The following MATN4 variants were observed in gnomAD, a reference collection of about 807,000 sequenced individuals.
MATN4 encodes matrilin-4.
In MATN4, 40 loss-of-function variants were observed where a neutral mutation model predicts 54.6. That is an observed-to-expected ratio of 0.73 (90% CI 0.57 to 0.95). The LOEUF (loss-of-function observed/expected upper bound fraction) is 0.95. Among genes scored for constraint, MATN4 ranks in the 40% least tolerant of loss-of-function variants. The pLI is 0.00. For synonymous variants in MATN4, 351 were observed against 345.3 expected (o/e 1.02, Z -0.18); for missense variants, 810 against 819.1 (o/e 0.99, Z 0.13).
At chr20:45,299,521 G>C (rs1173730366) in intron 6 of MATN4, among the ~76,000 whole-genome samples, 2 of 152,128 alleles carry the variant, frequency 1.3e-5, no homozygotes, top group Non-Finnish European at 2.9e-5. Context: ...CCGGAGGTGA[G>C]ATCTTTGGAG....
rs187158060 is a variant in MATN4 at position 45,305,269 on chromosome 20, T to G, written c.73+241A>C. 9.2e-5 allele frequency among the ~76,000 whole-genome samples: 14 copies of G among 152,342 alleles called. No individual in the cohort carries two copies. The East Asian group carries it at 2.1e-3, about 23-fold the overall frequency. ...TGTAAAATTTCCTGGTTTTTTTCCA[T>G]GTTTTCAAATAATTTTTCCAAATTA... On this transcript the variant is annotated intron_variant, in intron 2 of 9. Transcript: ENST00000372756.
Position 45,298,263 on chromosome 20 carries a change from G to T in MATN4, c.1333C>A (p.Arg445Ser), listed in dbSNP as rs375411740. Residue 445 changes from arginine (R) to serine (S), a missense_variant, in exon 7 of 10, where the codon CGT (arginine) becomes AGT (serine). Transcript: ENST00000372756. The surrounding 1 kb of genome is among the most constrained non-coding windows in gnomAD (Gnocchi z 4.6). ...CCAACACGAGGCACGTTAAGGGCAC[G>T]GGGCCGTGCACCCTGCGCCTCGGAG... Reference protein sequence around the residue: ...SFSEAQGARPRALNVPRVGLV... With the variant: ...SFSEAQGARPSALNVPRVGLV... 210 of 1,613,060 alleles carry T rather than the reference G, an allele frequency of 1.3e-4. No homozygotes were observed. The highest frequency in any genetic ancestry group is 1.7e-4 in the Non-Finnish European group (198 of 1,179,740).
chr20:45,298,419 C>T lies in MATN4; in HGVS notation c.1177G>A (p.Val393Met), dbSNP rs749312961. 1.2e-6 allele frequency: 2 copies of T among 1,613,070 alleles called. No individual in the cohort carries two copies. The highest frequency in any genetic ancestry group is 1.3e-5 in the African/African-American group (1 of 75,066). Reference protein sequence around the residue: ...RVGLVQFSSRVRTEFPLGRYG... With the variant: ...RVGLVQFSSRMRTEFPLGRYG... ...CGACCCAGAGGGAACTCGGTGCGCA[C>T]GCGGCTCGAGAACTGCACCAGCCCC... Residue 393 changes from valine (V) to methionine (M), a missense_variant, in exon 7 of 10, where the codon GTG becomes ATG. Val to Met is a conservative substitution (Grantham distance 21, BLOSUM62 1). Coordinates refer to ENST00000372756, the MANE Select transcript of MATN4 (RefSeq NM_001393530.1). The surrounding 1 kb of genome is among the most constrained non-coding windows in gnomAD (Gnocchi z 4.6).
In MATN4 at chr20:45,293,947, C is replaced by T; in HGVS notation, c.1648G>A (p.Gly550Ser). The change falls in exon 9 of 10, where the codon GGC (glycine) becomes AGC (serine). Residue 550 changes from glycine (G) to serine (S), a missense_variant. Coordinates refer to ENST00000372756, the MANE Select transcript of MATN4 (RefSeq NM_001393530.1). ...CTCTCGAGCGCCCCCAGCGTGCGGCCCTGGAACTCCACGAGGCTTTCGCAT... is the reference window on the plus strand; with the variant it reads ...CTCTCGAGCGCCCCCAGCGTGCGGCTCTGGAACTCCACGAGGCTTTCGCAT... ...CECESLVEFQ[G>S]RTLGALESLT... The T allele has an allele frequency of 1.2e-6, 2 of 1,602,800 alleles. No homozygotes were observed. The highest frequency in any genetic ancestry group is 1.7e-6 in the Non-Finnish European group (2 of 1,179,004).
At chr20:45,299,812 A>C (rs1986096951) in intron 6 of MATN4, among the ~76,000 whole-genome samples, 1 of 141,446 alleles carries the variant, frequency 7.1e-6, no homozygotes, top group African/African-American at 2.6e-5. Context: ...CCAGAGGCAG[A>C]GGTTGCAGTG....
chr20:45,305,009 T>G (rs1364592664), intron 2 of MATN4, among the ~76,000 whole-genome samples: 1 of 152,142 alleles, frequency 6.6e-6, no homozygotes, highest in African/African-American at 2.4e-5. Flanking sequence ...TGAGGGCTAT[T>G]CTGAGGCGGT....
chr20:45,298,563 C>T lies in MATN4; in HGVS notation c.1033G>A (p.Asp345Asn). 6.4e-7 allele frequency: 1 copy of T among 1,569,860 alleles called. No individual in the cohort carries two copies. Among genetic ancestry groups the T allele is most frequent in the East Asian group, 2.3e-5 (1 of 44,198 alleles). The change falls in exon 7 of 10, where the codon GAC (aspartate) becomes AAC (asparagine). Residue 345 changes from aspartate (D) to asparagine (N), a missense_variant. Coordinates refer to ENST00000372756, the MANE Select transcript of MATN4 (RefSeq NM_001393530.1). The surrounding 1 kb of genome is among the most constrained non-coding windows in gnomAD (Gnocchi z 4.6). ...SCNRCREGHV[D>N]LVLLVDGSKS... is the part of the protein sequence containing the mutation. ...GAGCCATCAACCAGCAGAACAAGGT[C>T]CACGTGGCCTTCCCGGCACCCTGCA...
Position 45,298,383 on chromosome 20 carries a change from C to CGGTG in MATN4, c.1209_1212dup (p.Ala405HisfsTer45). ...AGGACCGCCTGCTTCACCTCGGCTG[C>CGGTG]GGTGCCGTAGCGACCCAGAGGGAAC... is the stretch of plus-strand genomic sequence containing the variant. On this transcript the variant is annotated frameshift_variant, in exon 7 of 10. Coordinates refer to ENST00000372756, the MANE Select transcript of MATN4 (RefSeq NM_001393530.1). LOFTEE classifies it high-confidence loss of function. This position sits in a 1 kb window ranked among gnomAD's most constrained non-coding sequence, Gnocchi z 4.6. The CGGTG allele has an allele frequency of 6.2e-7, 1 of 1,612,090 alleles. No homozygotes were observed. Among genetic ancestry groups the CGGTG allele is most frequent in the South Asian group, 1.1e-5 (1 of 90,906 alleles).
intron 8 of MATN4, among the ~76,000 whole-genome samples, chr20:45,295,001 C>G (rs1418342169): frequency 9.9e-5 from 15 of 152,214 alleles, no homozygotes; most frequent in Admixed American, 9.2e-4. Flanking sequence ...TGTCTCCCAT[C>G]ACCCACGGAT....
At chr20:45,294,433 G>A (rs1242849264) in intron 8 of MATN4, among the ~76,000 whole-genome samples, 1 of 152,236 alleles carries the variant, frequency 6.6e-6, no homozygotes, top group Admixed American at 6.5e-5. Flanking sequence ...TGATGCTGAT[G>A]CTCCTGGTCT....
chr20:45,301,588 C>T, intron 3 of MATN4, 145 bp from the exon 4 acceptor site: 1 of 793,484 alleles, frequency 1.3e-6, no homozygotes, highest in Non-Finnish European at 1.9e-6. Context: ...CCCCTGTCCT[C>T]AAGATGCTCT....
At position 45,304,448 on chromosome 20, in the gene MATN4, G is replaced by A; in HGVS notation, c.423C>T (p.Val141=). The A allele has an allele frequency of 6.4e-7, 1 of 1,556,204 alleles. No individual in the cohort carries two copies. The highest frequency in any genetic ancestry group is 8.7e-7 in the Non-Finnish European group (1 of 1,144,898). Residue 141 remains valine, a synonymous_variant, in exon 3 of 10, where the codon GTC becomes GTT. Transcript: ENST00000372756. ...ARPPEERVPR[V]AVIVTDGRPQ... ...GCCGCCCGTCTGTCACGATGACAGCGACACGCGGCACGCGCTCCTCTGGCG... is the reference window on the plus strand; with the variant it reads ...GCCGCCCGTCTGTCACGATGACAGCAACACGCGGCACGCGCTCCTCTGGCG...
At position 45,304,439 on chromosome 20, in the gene MATN4, G is replaced by C. The variant is rs778299163; in HGVS notation, c.432C>G (p.Ile144Met). 5.2e-6 allele frequency: 8 copies of C among 1,548,570 alleles called. No individual in the cohort carries two copies. The highest frequency in any genetic ancestry group is 7.0e-6 in the Non-Finnish European group (8 of 1,142,010). The change falls in exon 3 of 10, where the codon ATC (isoleucine) becomes ATG (methionine). Residue 144 changes from isoleucine to methionine, a missense_variant. By Grantham distance (10) the Ile-to-Met change is conservative. Coordinates refer to ENST00000372756, the MANE Select transcript of MATN4 (RefSeq NM_001393530.1). Reference protein sequence around the residue: ...PEERVPRVAVIVTDGRPQDRV... With the variant: ...PEERVPRVAVMVTDGRPQDRV... ...GGTCCTGGGGCCGCCCGTCTGTCAC[G>C]ATGACAGCGACACGCGGCACGCGCT... is the stretch of plus-strand genomic sequence containing the variant.
intron 8 of MATN4, 86 bp from the exon 9 acceptor site, chr20:45,294,101 A>G: frequency 9.6e-7 from 1 of 1,042,358 alleles, no homozygotes; most frequent in Non-Finnish European, 1.4e-6. Flanking sequence ...CCTATGGTTG[A>G]GTATATGGGC....
At position 45,293,649 on chromosome 20, in the gene MATN4, C is replaced by A; in HGVS notation, c.*118G>T. On this transcript the variant is annotated 3_prime_UTR_variant, in exon 10 of 10. Coordinates refer to ENST00000372756, the MANE Select transcript of MATN4 (RefSeq NM_001393530.1). ...TGCCGGAAGCCCGCCAGCGCCTCCG[C>A]CCCGACAGCCCAAGCCGGACGGGCC... 1 of 964,276 alleles carries A rather than the reference C, an allele frequency of 1.0e-6. No homozygotes were observed. Among genetic ancestry groups the A allele is most frequent in the East Asian group, 2.9e-5 (1 of 34,336 alleles). 59.7% of individuals were successfully genotyped at this position (964,276 alleles called of 1,614,324 possible).
At chr20:45,297,731 G>A (rs1985933437) in intron 8 of MATN4, among the ~76,000 whole-genome samples, 187 bp downstream of exon 8, 1 of 152,324 alleles carries the variant, frequency 6.6e-6, no homozygotes, top group Non-Finnish European at 1.5e-5. Flanking sequence ...AAATGTTTCA[G>A]TTCTAAGAAG....
At chr20:45,303,580 A>G in intron 3 of MATN4, 2 of 663,150 alleles carry the variant, frequency 3.0e-6, no homozygotes, top group Non-Finnish European at 5.8e-6. Context: ...AGAGAGCTGG[A>G]TGGGGATGGG....
chr20:45,306,892 G>A (rs1217173753), intron 1 of MATN4: 1 of 1,256,604 alleles, frequency 8.0e-7, no homozygotes. Flanking sequence ...AGAGGGCGGC[G>A]GGTGAGCGGC....
chr20:45,298,267 C>T lies in MATN4; in HGVS notation c.1329G>A (p.Arg443=). ...EHSFSEAQGA[R]PRALNVPRVG... ...CACGAGGCACGTTAAGGGCACGGGG[C>T]CGTGCACCCTGCGCCTCGGAGAAGC... Residue 443 remains arginine (R), a synonymous_variant, in exon 7 of 10, where the codon CGG becomes CGA. Coordinates refer to ENST00000372756, the MANE Select transcript of MATN4 (RefSeq NM_001393530.1). The surrounding 1 kb of genome is among the most constrained non-coding windows in gnomAD (Gnocchi z 4.6). The T allele has an allele frequency of 1.2e-6, 2 of 1,613,414 alleles. No homozygotes were observed. Among genetic ancestry groups the T allele is most frequent in the South Asian group, 2.2e-5 (2 of 91,068 alleles).
Sources: gnomAD v4.1 joint callset for allele counts (sites outside exome capture counted in the v4.1 genomes callset) on GRCh38, gnomAD v4.1.1 for gene constraint, Gnocchi (gnomAD v3.1) non-coding constraint, MANE v1.5 for transcripts, NCBI Gene and HGNC (gene_info 2026-07-23, HGNC 2026-07-21) for gene names.